The following SPAG17 variants were observed in gnomAD, a reference collection of about 807,000 sequenced individuals.
SPAG17 encodes the protein sperm-associated antigen 17.
In SPAG17, 169 loss-of-function variants were observed where a neutral mutation model predicts 273.6. The ratio of observed to expected loss-of-function variants is 0.62; its 90% confidence interval spans 0.55 to 0.70. The LOEUF (loss-of-function observed/expected upper bound fraction) is 0.70, where lower values mean the gene tolerates loss of function less well. Among genes scored for constraint, SPAG17 ranks in the 30% least tolerant of loss-of-function variants. SPAG17 has a pLI of 0.00. For missense variants in SPAG17, 2,557 were observed against 2,627.8 expected, an observed-to-expected ratio of 0.97 and a Z score of 0.59; for synonymous variants, 825 against 873.2, an observed-to-expected ratio of 0.94 and a Z score of 0.97.
At chr1:118,162,945 A>G (rs898166579) in intron 1 of SPAG17, among the ~76,000 whole-genome samples, 9 of 152,204 alleles carry the variant, frequency 5.9e-5, no homozygotes, top group African/African-American at 2.2e-4. Flanking sequence ...AAACAATACT[A>G]TATGTTATTC....
rs72631730 is a variant in SPAG17, at chr1:118,177,116, A to T, written c.87+7955T>A. ...AAGTAGAAAGACTTCAAATAAAACA[A>T]CTTAATAATTATACTAGTCAATTCT... On this transcript the variant is annotated intron_variant, in intron 1 of 48. Transcript: ENST00000336338. Among the ~76,000 whole-genome samples the T allele has an allele frequency of 9.9e-3, 1,510 of 152,332 alleles. 143 individuals carry two copies. The East Asian group carries it at 0.23, about 23-fold the overall frequency.
chr1:118,125,169 C>T (rs762544530), intron 3 of SPAG17, among the ~76,000 whole-genome samples: 8 of 151,866 alleles, frequency 5.3e-5, no homozygotes, highest in South Asian at 2.1e-4. Context: ...AGCTATTGCT[C>T]GTCTCCTGGC....
intron 17 of SPAG17, 45 bp from the exon 18 acceptor site, chr1:118,066,944 C>T: frequency 6.4e-7 from 1 of 1,555,874 alleles, no homozygotes; most frequent in Non-Finnish European, 8.7e-7. Flanking sequence ...TTTATTTTCC[C>T]CAAGAGAAGG....
At chr1:118,062,366 CAAAA>C (rs56029752) in intron 18 of SPAG17, among the ~76,000 whole-genome samples, 4 of 46,430 alleles carry the variant, frequency 8.6e-5, no homozygotes, top group African/African-American at 2.2e-4. Flanking sequence ...GACTCCATCT[CAAAA>C]AAAAAAAAAA....
At chr1:117,969,169 T>G (rs1446130090) in intron 46 of SPAG17, among the ~76,000 whole-genome samples, 1 of 152,218 alleles carries the variant, frequency 6.6e-6, no homozygotes, top group East Asian at 1.9e-4. Context: ...TATGCATTTT[T>G]TTTTACTAAA....
chr1:118,053,851 G>A (rs1651344943), intron 20 of SPAG17, 151 bp downstream of exon 20: 3 of 581,022 alleles, frequency 5.2e-6, no homozygotes, highest in East Asian at 2.8e-5. Flanking sequence ...ATATCAGCAG[G>A]TCAAAAAGAG....
At chr1:117,963,688 G>T in intron 48 of SPAG17, 111 bp downstream of exon 48, 1 of 1,007,680 alleles carries the variant, frequency 9.9e-7, no homozygotes, top group Non-Finnish European at 1.4e-6. Flanking sequence ...CATTCATTCA[G>T]GCCAGGTGGC....
rs1227535835 is a variant in SPAG17 at position 117,966,700 on chromosome 1, A to G, written c.6441T>C (p.Val2147=). The change falls in exon 47 of 49, where the codon GTT becomes GTC. Residue 2147 remains valine (V), a synonymous_variant. Coordinates refer to ENST00000336338, the MANE Select transcript of SPAG17 (RefSeq NM_206996.4). ...ELNIELFATA[V]GEDGAKGSAH... The stretch of plus-strand genomic sequence containing the variant: ...CTGATCCCTTGGCCCCATCCTCTCC[A>G]ACAGCTGTGGCAAATAACTCTATAT... The G allele has an allele frequency of 1.2e-6, 2 of 1,614,086 alleles. No homozygotes were observed. Among genetic ancestry groups the G allele is most frequent in the Admixed American group, 3.3e-5 (2 of 59,988 alleles).
chr1:118,004,544 C>G (rs1658661216), intron 32 of SPAG17, among the ~76,000 whole-genome samples: 1 of 152,236 alleles, frequency 6.6e-6, no homozygotes, highest in Non-Finnish European at 1.5e-5. Flanking sequence ...CCCAGCCAGG[C>G]TGCTGCCTCA....
At chr1:117,970,616 A>G (rs908990260) in intron 45 of SPAG17, among the ~76,000 whole-genome samples, 1 of 152,176 alleles carries the variant, frequency 6.6e-6, no homozygotes, top group African/African-American at 2.4e-5. Context: ...CCGAGCTCAC[A>G]CATGGTGCTT....
chr1:117,970,365 G>A (rs1248273250), intron 45 of SPAG17, among the ~76,000 whole-genome samples: 1 of 152,212 alleles, frequency 6.6e-6, no homozygotes, highest in Non-Finnish European at 1.5e-5. Flanking sequence ...CTTTGTTACT[G>A]GTTGCTGACG....
intron 42 of SPAG17, among the ~76,000 whole-genome samples, chr1:117,982,304 C>T (rs533553206): frequency 1.5e-4 from 22 of 149,356 alleles, no homozygotes; most frequent in Admixed American, 9.4e-4. Context: ...TGCAGTGGCA[C>T]GATGTCAGCT....
At chr1:118,148,908 G>A (rs1659218025) in intron 3 of SPAG17, among the ~76,000 whole-genome samples, 1 of 152,204 alleles carries the variant, frequency 6.6e-6, no homozygotes, top group Admixed American at 6.5e-5. Context: ...TCCTAAATGT[G>A]AAGGGACTGA....
chr1:117,984,661 A>G, intron 41 of SPAG17, 22 bp downstream of exon 41: 2 of 1,417,784 alleles, frequency 1.4e-6, no homozygotes, highest in Non-Finnish European at 2.0e-6. Flanking sequence ...TTATTAGATT[A>G]TAGTTCATTA....
In SPAG17 at chr1:118,150,439, G is replaced by A. The variant is rs1570785784; in HGVS notation, c.315+104C>T. On this transcript the variant is annotated intron_variant, in intron 3 of 48. Transcript: ENST00000336338. ...AACAAATATCTCCAATGAGGAGCAG[G>A]CATTTATTTTCAAAGAATGAAATTT... The A allele has an allele frequency of 1.3e-5, 7 of 557,016 alleles. No individual in the cohort carries two copies. The South Asian group carries it at 1.7e-4, about 13-fold the overall frequency. The allele number at this position is 557,016 out of a possible 1,614,324, so 34.5% of individuals were successfully genotyped here. A position where few individuals can be genotyped will look rare whatever the true frequency, so the allele number is the denominator to read the frequency against.
intron 29 of SPAG17, among the ~76,000 whole-genome samples, chr1:118,012,817 G>A (rs1286172477): frequency 1.3e-5 from 2 of 152,226 alleles, no homozygotes; most frequent in Non-Finnish European, 2.9e-5. Flanking sequence ...TGGCCTGCAA[G>A]TGTCGGGCTA....
intron 3 of SPAG17, among the ~76,000 whole-genome samples, chr1:118,129,747 GT>G (rs1044311180): frequency 1.4e-4 from 16 of 112,944 alleles, no homozygotes; most frequent in East Asian, 4.8e-4. Flanking sequence ...TTCCTTCTTT[GT>G]TTTTTTCTTT....
chr1:118,022,418 T>C (rs891176103), intron 28 of SPAG17, among the ~76,000 whole-genome samples: 1 of 113,186 alleles, frequency 8.8e-6, no homozygotes, highest in African/African-American at 3.8e-5. Context: ...AATAGGAAAT[T>C]CACAAAATGA....
chr1:118,074,728 A>G, intron 15 of SPAG17, 128 bp from the exon 16 acceptor site: 1 of 792,792 alleles, frequency 1.3e-6, no homozygotes, highest in Non-Finnish European at 2.1e-6. Flanking sequence ...CCTGAAAGGC[A>G]TGTTTTGTGC....
Sources: allele counts gnomAD v4.1 joint callset (sites outside exome capture counted in the v4.1 genomes callset), GRCh38; gene constraint gnomAD v4.1.1; transcripts MANE v1.5; gene names NCBI Gene and HGNC (gene_info 2026-07-23, HGNC 2026-07-21).